The following CA6 variants were observed in gnomAD, a reference collection of about 807,000 sequenced individuals.
CA6 encodes carbonic anhydrase 6.
In CA6, 28 loss-of-function variants were observed where a neutral mutation model predicts 35.9. The ratio of observed to expected loss-of-function variants is 0.78; its 90% confidence interval spans 0.58 to 1.07. The LOEUF (loss-of-function observed/expected upper bound fraction) is 1.07, where lower values mean the gene tolerates loss of function less well. Ranked by LOEUF, CA6 falls within the 50% of genes least tolerant of loss-of-function variation. The pLI is 0.00. For missense variants in CA6, 377 were observed against 382.0 expected, an observed-to-expected ratio of 0.99 and a Z score of 0.11; for synonymous variants, 148 against 152.6, an observed-to-expected ratio of 0.97 and a Z score of 0.22.
chr1:8,949,050 A>G (rs532722060), intron 1 of CA6, among the ~76,000 whole-genome samples: 7 of 151,936 alleles, frequency 4.6e-5, no homozygotes, highest in Admixed American at 2.0e-4. Flanking sequence ...GGAAAGTTAG[A>G]GGTTAGCACC....
intron 7 of CA6, among the ~76,000 whole-genome samples, chr1:8,973,774 T>C (rs1557635754): frequency 5.8e-5 from 1 of 17,256 alleles, no homozygotes; most frequent in East Asian, 0.071. Context: ...CTTTCTTTCT[T>C]TCTTTCTTTC....
chr1:8,954,224 G>A (rs932436624), intron 2 of CA6, among the ~76,000 whole-genome samples: 8 of 150,872 alleles, frequency 5.3e-5, no homozygotes, highest in Non-Finnish European at 1.0e-4. Flanking sequence ...GGAGTGCAGT[G>A]GTGCTACCTT....
chr1:8,956,374 T>A (rs572964090), intron 2 of CA6, among the ~76,000 whole-genome samples: 2 of 151,438 alleles, frequency 1.3e-5, no homozygotes, highest in African/African-American at 4.9e-5. Context: ...AAGGCAGAGA[T>A]TTCAGCTGGG....
chr1:8,954,797 AC>A (rs1639630362), intron 2 of CA6, among the ~76,000 whole-genome samples: 3 of 151,854 alleles, frequency 2.0e-5, no homozygotes, highest in Admixed American at 1.3e-4. Context: ...TTGGTCTTGA[AC>A]CCCTGACCTC....
At chr1:8,960,267 G>A (rs1639804322) in intron 4 of CA6, among the ~76,000 whole-genome samples, 1 of 151,606 alleles carries the variant, frequency 6.6e-6, no homozygotes, top group African/African-American at 2.4e-5. Flanking sequence ...AAAGAAATAG[G>A]AAAATGTAAT....
At chr1:8,951,851 G>C (rs1639545299) in intron 2 of CA6, 1 of 271,756 alleles carries the variant, frequency 3.7e-6, no homozygotes, top group Non-Finnish European at 6.6e-6. Flanking sequence ...ATGGAGTCTT[G>C]CTCTGTCACC....
chr1:8,952,923 C>A (rs549635503), intron 2 of CA6, among the ~76,000 whole-genome samples: 1 of 152,294 alleles, frequency 6.6e-6, no homozygotes, highest in South Asian at 2.1e-4. Context: ...TCCCAAAGTG[C>A]TGGGATTACA....
chr1:8,974,020 T>C (rs1640200100), intron 7 of CA6, among the ~76,000 whole-genome samples: 1 of 152,076 alleles, frequency 6.6e-6, no homozygotes, highest in South Asian at 2.1e-4. Context: ...AGACGGGCTT[T>C]GGCCATGTGG....
chr1:8,950,361 T>C (rs2124233068), intron 2 of CA6, among the ~76,000 whole-genome samples: 1 of 152,202 alleles, frequency 6.6e-6, no homozygotes, highest in South Asian at 2.1e-4. Flanking sequence ...CCTCTGAGCC[T>C]CATGACCACC....
chr1:8,951,302 C>G, intron 2 of CA6: 1 of 596,356 alleles, frequency 1.7e-6, no homozygotes, highest in Non-Finnish European at 3.0e-6. Context: ...GAAGCTCTGT[C>G]TGTAAAAGGA....
chr1:8,960,094 G>T (rs1221066911), intron 4 of CA6, among the ~76,000 whole-genome samples: 10 of 152,018 alleles, frequency 6.6e-5, no homozygotes, highest in Non-Finnish European at 4.4e-5. Flanking sequence ...AGCCAGGCGT[G>T]GTGACGCACG....
At chr1:8,972,962 C>T (rs1640147836) in intron 7 of CA6, among the ~76,000 whole-genome samples, 4 of 152,096 alleles carry the variant, frequency 2.6e-5, no homozygotes, top group Admixed American at 2.0e-4. Context: ...AAAGTGATGT[C>T]GTCTTTAACA....
intron 4 of CA6, 121 bp from the exon 5 acceptor site, chr1:8,962,466 G>C (rs964303049): frequency 6.3e-6 from 5 of 790,446 alleles, no homozygotes; most frequent in African/African-American, 3.4e-5. Flanking sequence ...GACGGCACAG[G>C]CTGCCTCTCC....
At chr1:8,970,770 G>C in intron 6 of CA6, 97 bp from the exon 7 acceptor site, 1 of 802,022 alleles carries the variant, frequency 1.2e-6, no homozygotes, top group South Asian at 1.4e-5. Context: ...CAAAATGCTG[G>C]GATTACAGGC....
chr1:8,975,009 G>C lies in CA6; in HGVS notation c.*305G>C, dbSNP rs1406043848. ...ATTCTCCCATCAAATCATATATGTTGACCTGTCTGAATTATAAACCAGCCT... is the reference window on the plus strand; with the variant it reads ...ATTCTCCCATCAAATCATATATGTTCACCTGTCTGAATTATAAACCAGCCT... On this transcript the variant is annotated 3_prime_UTR_variant, in exon 8 of 8. Coordinates refer to ENST00000377443, the MANE Select transcript of CA6 (RefSeq NM_001215.4). 2 of 228,828 alleles carry C rather than the reference G, an allele frequency of 8.7e-6. No individual in the cohort carries two copies. The highest frequency in any genetic ancestry group is 8.3e-6 in the Non-Finnish European group (1 of 119,826). The allele number at this position is 228,828 out of a possible 1,614,324, so 14.2% of individuals were successfully genotyped here. A position where few individuals can be genotyped will look rare whatever the true frequency, so the allele number is the denominator to read the frequency against.
In CA6 at chr1:8,945,922, G is replaced by A. The variant is rs1411579117; in HGVS notation, c.36G>A (p.Leu12=). ...RALVLLLSLF[L]LGGQAQHVSD... is the part of the protein sequence containing the mutation. ...TGGTGCTTCTGCTGTCCCTGTTCCT[G>A]CTGGGTGGCCAGGCCCAGCATGTGT... Residue 12 remains leucine, a synonymous_variant, in exon 1 of 8, where the codon CTG becomes CTA. Transcript: ENST00000377443. The A allele has an allele frequency of 1.2e-6, 2 of 1,613,782 alleles. No homozygotes were observed. Among genetic ancestry groups the A allele is most frequent in the Non-Finnish European group, 8.5e-7 (1 of 1,179,848 alleles).
rs865867337 is a variant in CA6 at position 8,963,263 on chromosome 1, G to A, written c.571+607G>A. Among the ~76,000 whole-genome samples, 2 of 151,930 alleles carry A rather than the reference G, an allele frequency of 1.3e-5. No homozygotes were observed. Among genetic ancestry groups the A allele is most frequent in the Admixed American group, 6.6e-5 (1 of 15,246 alleles). On this transcript the variant is annotated intron_variant, in intron 5 of 7. Transcript: ENST00000377443. This position sits in a 1 kb window ranked among gnomAD's most constrained non-coding sequence, Gnocchi z 4.1. ...AGCCCCTCCTGCAATTCACCTGACC[G>A]GAGTCCTCCAAACCTGGGGCTTCCA...
rs150610814 is a variant in CA6 at position 8,956,334 on chromosome 1, G to A, written c.260-803G>A. 2.8e-4 allele frequency among the ~76,000 whole-genome samples: 43 copies of A among 152,060 alleles called. No homozygotes were observed. In the East Asian group the frequency reaches 7.7e-3, roughly 27 times the overall value. The stretch of plus-strand genomic sequence containing the variant: ...GTCACTTTTCTTAGTAACTGAGCCC[G>A]TTTTTTTCTTTTTGTGTAGTTCATT... On this transcript the variant is annotated intron_variant, in intron 2 of 7. Coordinates refer to ENST00000377443, the MANE Select transcript of CA6 (RefSeq NM_001215.4).
At chr1:8,959,346 C>T (rs1192711969) in intron 4 of CA6, among the ~76,000 whole-genome samples, 1 of 149,804 alleles carries the variant, frequency 6.7e-6, no homozygotes, top group Non-Finnish European at 1.5e-5. Flanking sequence ...CGAAGTTTCA[C>T]TCTTGTCACC....
Sources: gnomAD v4.1 joint callset for allele counts (sites outside exome capture counted in the v4.1 genomes callset) on GRCh38, gnomAD v4.1.1 for gene constraint, Gnocchi (gnomAD v3.1) non-coding constraint, MANE v1.5 for transcripts, NCBI Gene and HGNC (gene_info 2026-07-23, HGNC 2026-07-21) for gene names.